CLYBL: variants seen among roughly 807,000 people sequenced by gnomAD.
CLYBL encodes the protein citramalyl-CoA lyase, mitochondrial.
A neutral mutation model predicts 38.9 loss-of-function variants in CLYBL; 31 were observed. The ratio of observed to expected loss-of-function variants is 0.80; its 90% CI spans 0.60 to 1.08. CLYBL has a LOEUF of 1.08. CLYBL is among the 50% of genes least tolerant of loss of function. The pLI is 0.00. For missense variants in CLYBL, 434 were observed against 411.6 expected, an observed-to-expected ratio of 1.05 and a Z score of -0.47; for synonymous variants, 171 against 158.6, an observed-to-expected ratio of 1.08 and a Z score of -0.59.
At chr13:99,720,952 C>G (rs9513652) in intron 1 of CLYBL, among the ~76,000 whole-genome samples, 30,203 of 151,720 alleles carry the variant, frequency 0.2, 3,530 homozygotes, top group East Asian at 0.43. Context: ...GTCTCATGTT[C>G]CCTCGTTTCT....
chr13:99,632,699 T>C (rs2139238528), intron 1 of CLYBL, among the ~76,000 whole-genome samples: 1 of 151,184 alleles, frequency 6.6e-6, no homozygotes, highest in Admixed American at 6.6e-5. Context: ...GAGCCGAGAT[T>C]GTGCCACTGC....
intron 1 of CLYBL, among the ~76,000 whole-genome samples, chr13:99,654,671 A>G (rs774339870): frequency 2.3e-4 from 35 of 152,210 alleles, no homozygotes; most frequent in Non-Finnish European, 4.3e-4. Context: ...GCCAGATGAA[A>G]GGTAAGTCAC....
chr13:99,624,931 T>G (rs1469374818), intron 1 of CLYBL, among the ~76,000 whole-genome samples: 2 of 152,196 alleles, frequency 1.3e-5, no homozygotes, highest in Non-Finnish European at 2.9e-5. Flanking sequence ...TTCTTTCTGT[T>G]TTTGGTTTTT....
intron 1 of CLYBL, among the ~76,000 whole-genome samples, chr13:99,739,995 A>G (rs1051500135): frequency 6.6e-6 from 1 of 151,440 alleles, no homozygotes; most frequent in African/African-American, 2.4e-5. Context: ...CAAAAAAACA[A>G]AAAAACTGTA....
At chr13:99,609,007 C>T (rs1282720577) in intron 1 of CLYBL, among the ~76,000 whole-genome samples, 1 of 150,410 alleles carries the variant, frequency 6.6e-6, no homozygotes, top group Non-Finnish European at 1.5e-5. Flanking sequence ...AAGTTTTTGG[C>T]TATTGTTCTC....
At chr13:99,732,490 G>T (rs1450295744) in intron 1 of CLYBL, among the ~76,000 whole-genome samples, 2 of 152,082 alleles carry the variant, frequency 1.3e-5, no homozygotes, top group African/African-American at 2.4e-5. Context: ...TATTTTAAAG[G>T]TGTTTTTTCT....
chr13:99,765,301 A>G (rs961756757), intron 1 of CLYBL, among the ~76,000 whole-genome samples: 1 of 151,936 alleles, frequency 6.6e-6, no homozygotes, highest in East Asian at 1.9e-4. Flanking sequence ...GAGTGCCTTT[A>G]TATGTTATTT....
At chr13:99,843,632 T>C (rs2051135507) in intron 2 of CLYBL, among the ~76,000 whole-genome samples, 1 of 145,768 alleles carries the variant, frequency 6.9e-6, no homozygotes, top group Non-Finnish European at 1.5e-5. Flanking sequence ...GACAGAGCCT[T>C]GCTCTGTCAC....
At chr13:99,877,249 C>A (rs1355737481) in intron 7 of CLYBL, among the ~76,000 whole-genome samples, 2 of 152,162 alleles carry the variant, frequency 1.3e-5, no homozygotes, top group East Asian at 3.9e-4. Context: ...GTGTTCAGTG[C>A]CTATGGCAGC....
intron 1 of CLYBL, among the ~76,000 whole-genome samples, chr13:99,663,286 T>A (rs138915068): frequency 3.5e-4 from 54 of 152,316 alleles, no homozygotes; most frequent in African/African-American, 1.3e-3. Flanking sequence ...TGTGTGGGTA[T>A]AAATAATGTT....
intron 1 of CLYBL, among the ~76,000 whole-genome samples, chr13:99,714,861 A>G (rs1431909024): frequency 6.6e-6 from 1 of 152,232 alleles, no homozygotes; most frequent in East Asian, 1.9e-4. Context: ...AGGCACAAGA[A>G]TCACTTGAGC....
At chr13:99,848,565 G>A (rs2051260112) in intron 2 of CLYBL, among the ~76,000 whole-genome samples, 1 of 152,220 alleles carries the variant, frequency 6.6e-6, no homozygotes, top group South Asian at 2.1e-4. Flanking sequence ...TTGGCCATAA[G>A]TACATAAAAC....
intron 2 of CLYBL, among the ~76,000 whole-genome samples, chr13:99,783,045 G>A (rs1293874705): frequency 6.6e-6 from 1 of 151,392 alleles, no homozygotes; most frequent in Admixed American, 6.6e-5. Flanking sequence ...TTTGGTTTTT[G>A]TTTTGCTTTT....
chr13:99,872,637 G>C (rs1035650594), intron 7 of CLYBL, among the ~76,000 whole-genome samples: 1 of 152,226 alleles, frequency 6.6e-6, no homozygotes, highest in East Asian at 1.9e-4. Flanking sequence ...TGAAACGAGA[G>C]AGCAGAGTTC....
chr13:99,755,894 G>GA (rs1396258357), intron 1 of CLYBL, among the ~76,000 whole-genome samples: 11 of 152,320 alleles, frequency 7.2e-5, no homozygotes, highest in African/African-American at 2.4e-4. Flanking sequence ...GTCAGCATCT[G>GA]AAGGGCTTTG....
chr13:99,652,899 T>A lies in CLYBL; in HGVS notation c.62+46142T>A, dbSNP rs190723174. On this transcript the variant is annotated intron_variant, in intron 1 of 8. Transcript: ENST00000339105. ...AGTGGAAGGGCTGTGCTGGCCACCTTGTATGACTGACACAAAGTTGGGAAG... is the reference window on the plus strand; with the variant it reads ...AGTGGAAGGGCTGTGCTGGCCACCTAGTATGACTGACACAAAGTTGGGAAG... Among the ~76,000 whole-genome samples, 522 of 152,332 alleles carry A rather than the reference T, an allele frequency of 3.4e-3. 5 individuals carry two copies. The highest frequency in any genetic ancestry group is 0.011 in the African/African-American group (467 of 41,566).
At chr13:99,677,350 G>A (rs1430325053) in intron 1 of CLYBL, among the ~76,000 whole-genome samples, 1 of 152,066 alleles carries the variant, frequency 6.6e-6, no homozygotes, top group Non-Finnish European at 1.5e-5. Context: ...AAAAAAGCTT[G>A]TAATTGCCGA....
At chr13:99,725,588 T>C (rs1044418559) in intron 1 of CLYBL, among the ~76,000 whole-genome samples, 1 of 152,198 alleles carries the variant, frequency 6.6e-6, no homozygotes, top group Non-Finnish European at 1.5e-5. Flanking sequence ...CAGTGGGAAA[T>C]GTTAACTGTT....
chr13:99,619,784 C>T (rs1302954702), intron 1 of CLYBL, among the ~76,000 whole-genome samples: 1 of 152,204 alleles, frequency 6.6e-6, no homozygotes, highest in African/African-American at 2.4e-5. Flanking sequence ...TGCCAGTTGA[C>T]ATTCCAGAGT....
Sources: gnomAD v4.1 joint callset for allele counts (sites outside exome capture counted in the v4.1 genomes callset) on GRCh38, gnomAD v4.1.1 for gene constraint, MANE v1.5 for transcripts, NCBI Gene and HGNC (gene_info 2026-07-23, HGNC 2026-07-21) for gene names.